Variants in NDE1 observed in about 807,000 individuals in gnomAD.
The protein encoded by NDE1 is nuclear distribution protein nudE homolog 1.
A neutral mutation model predicts 43.4 loss-of-function variants in NDE1; 28 were observed. That is an observed-to-expected ratio of 0.65 (90% confidence interval 0.48 to 0.89). The LOEUF (loss-of-function observed/expected upper bound fraction) is 0.89. Ranked by LOEUF, NDE1 falls within the 40% of genes least tolerant of loss-of-function variation. The pLI, the probability that NDE1 is intolerant of heterozygous loss-of-function variation, is 0.00. For missense variants in NDE1, 441 were observed against 434.1 expected (o/e 1.02, Z -0.14); for synonymous variants, 184 against 172.0 (o/e 1.07, Z -0.55).
intron 8 of NDE1, chr16:15,714,881 G>C: frequency 2.5e-6 from 4 of 1,612,222 alleles, no homozygotes; most frequent in Non-Finnish European, 2.5e-6. Context: ...CTGAGAGACG[G>C]GGTCCTCCCG....
At chr16:15,677,721 C>A in intron 3 of NDE1, 80 bp from the exon 4 acceptor site, 1 of 1,524,722 alleles carries the variant, frequency 6.6e-7, no homozygotes, top group Non-Finnish European at 9.0e-7. Context: ...GTAGCTGTGA[C>A]TCCAGGTGGA....
At chr16:15,644,491 C>T (rs1567607144) in intron 1 of NDE1, among the ~76,000 whole-genome samples, 1 of 152,200 alleles carries the variant, frequency 6.6e-6, no homozygotes, top group African/African-American at 2.4e-5. Context: ...TAAATCTTGA[C>T]TGTGGGCTGG....
intron 8 of NDE1, chr16:15,721,400 A>G (rs1446269734): frequency 6.2e-7 from 1 of 1,613,758 alleles, no homozygotes; most frequent in African/African-American, 1.3e-5. Context: ...ATGGACGAGA[A>G]AAACCACCCA....
chr16:15,699,251 A>G (rs1379508546), intron 8 of NDE1, among the ~76,000 whole-genome samples: 1 of 146,626 alleles, frequency 6.8e-6, no homozygotes, highest in African/African-American at 2.6e-5. Context: ...AGCGTTAGCA[A>G]TCATGCCTGG....
At chr16:15,690,354 T>A (rs2151115335) in intron 5 of NDE1, among the ~76,000 whole-genome samples, 1 of 28,106 alleles carries the variant, frequency 3.6e-5, no homozygotes, top group South Asian at 1.4e-3. Context: ...TTTTTTTTTC[T>A]TTTTTTTTTT....
intron 3 of NDE1, among the ~76,000 whole-genome samples, chr16:15,672,960 C>A (rs950977702): frequency 6.6e-6 from 1 of 152,146 alleles, no homozygotes; most frequent in African/African-American, 2.4e-5. Context: ...CCCTCCTCAT[C>A]CTTCCAACGC....
At chr16:15,647,441 T>C, upstream of NDE1, among the ~76,000 whole-genome samples, 1 of 152,190 alleles carries the variant, frequency 6.6e-6, no homozygotes, top group East Asian at 1.9e-4. Context: ...TTTATTTTCT[T>C]ATCTTTAACA....
chr16:15,666,045 C>A (rs538396815), intron 2 of NDE1, among the ~76,000 whole-genome samples: 1 of 152,190 alleles, frequency 6.6e-6, no homozygotes, highest in Admixed American at 6.6e-5. Flanking sequence ...CGTGAGCCAC[C>A]ACGCCCGGTG....
intron 8 of NDE1, chr16:15,717,433 G>A: frequency 6.9e-7 from 1 of 1,444,904 alleles, no homozygotes; most frequent in Non-Finnish European, 9.5e-7. Context: ...TGCCTTGTTT[G>A]GCCTCTGCAC....
chr16:15,715,192 C>T lies in NDE1; in HGVS notation c.948-8999C>T, dbSNP rs146228576. On this transcript the variant is annotated intron_variant, in intron 8 of 8. Transcript: ENST00000396354. ...CTCCTTGTACTGCTCGGCCATCTTG[C>T]GCTCGTCCTCCACCTGCAGCAAGAT... The T allele has an allele frequency of 2.5e-4, 408 of 1,613,952 alleles. 2 individuals carry two copies. The highest frequency in any genetic ancestry group is 4.2e-4 in the South Asian group (38 of 91,082).
upstream of NDE1, among the ~76,000 whole-genome samples, chr16:15,645,522 C>T (rs1314313234): frequency 2.6e-5 from 4 of 152,254 alleles, no homozygotes; most frequent in African/African-American, 9.6e-5. Flanking sequence ...TAATAAAAGT[C>T]TGAATTACAA....
At chr16:15,716,001 C>T (rs1470896871) in intron 8 of NDE1, among the ~76,000 whole-genome samples, 1 of 152,046 alleles carries the variant, frequency 6.6e-6, no homozygotes, top group Non-Finnish European at 1.5e-5. Context: ...GTGGTGTGCA[C>T]CTGTAGTCCC....
chr16:15,677,856 A>G lies in NDE1; in HGVS notation c.293A>G (p.Asp98Gly), dbSNP rs553365717. Residue 98 changes from aspartate to glycine, a missense_variant, in exon 4 of 9, where the codon GAT (aspartate) becomes GGT (glycine). By Grantham distance (94) the Asp-to-Gly change is moderately conservative. Coordinates refer to ENST00000396354, the MANE Select transcript of NDE1 (RefSeq NM_017668.3). ...EGYRQISALE[D>G]DLAQTKAIKD... ...TACCGGCAGATCTCAGCCTTGGAGG[A>G]TGACCTCGCGCAGACCAAAGCCATT... 6.2e-7 allele frequency: 1 copy of G among 1,614,106 alleles called. No individual in the cohort carries two copies. Among genetic ancestry groups the G allele is most frequent in the Admixed American group, 1.7e-5 (1 of 59,974 alleles).
chr16:15,650,615 G>C (rs940679818), intron 1 of NDE1, among the ~76,000 whole-genome samples: 2 of 152,128 alleles, frequency 1.3e-5, no homozygotes, highest in African/African-American at 4.8e-5. Flanking sequence ...CTCCCACCCC[G>C]TTGCCCTCTT....
chr16:15,718,480 C>G, intron 8 of NDE1: 1 of 1,537,546 alleles, frequency 6.5e-7, no homozygotes, highest in Non-Finnish European at 8.7e-7. Context: ...TACCCTCCCC[C>G]GCCTTAAAAG....
At position 15,720,835 on chromosome 16, in the gene NDE1, G is replaced by A. The variant is rs142108062; in HGVS notation, c.948-3356G>A. ...CCTCTGCTGGCCTCCCCGGCAGCAC[G>A]CACCTGTCTCTGCAGTTGCCTCCTC... On this transcript the variant is annotated intron_variant, in intron 8 of 8. Coordinates refer to ENST00000396354, the MANE Select transcript of NDE1 (RefSeq NM_017668.3). 1.5e-3 allele frequency: 2,391 copies of A among 1,613,128 alleles called. 15 individuals carry two copies. In the African/African-American group the frequency reaches 0.021, roughly 14 times the overall value.
intron 8 of NDE1, chr16:15,721,102 C>T (rs777947286): frequency 5.6e-6 from 9 of 1,597,470 alleles, no homozygotes; most frequent in Admixed American, 1.7e-5. Context: ...TTCATGAAGA[C>T]GATTGAGAAA....
intron 8 of NDE1, among the ~76,000 whole-genome samples, chr16:15,716,899 A>G (rs1419410140): frequency 6.6e-6 from 1 of 152,354 alleles, no homozygotes; most frequent in African/African-American, 2.4e-5. Context: ...GGTTAATGTC[A>G]GGAGGACCAT....
intron 8 of NDE1, chr16:15,697,198 G>A (rs1039110488): frequency 5.1e-6 from 2 of 389,474 alleles, no homozygotes; most frequent in Non-Finnish European, 7.0e-6. Flanking sequence ...GCGTGTCACC[G>A]TGCTCGGCTA....
Sources: gnomAD v4.1 joint callset for allele counts (sites outside exome capture counted in the v4.1 genomes callset) on GRCh38, gnomAD v4.1.1 for gene constraint, MANE v1.5 for transcripts, NCBI Gene and HGNC (gene_info 2026-07-23, HGNC 2026-07-21) for gene names.